The following SLC9C1 variants were observed in gnomAD, a reference collection of about 807,000 sequenced individuals.
SLC9C1 encodes the protein sodium/hydrogen exchanger 10.
In SLC9C1, 97 loss-of-function variants were observed where a neutral mutation model predicts 140.9. That is an observed-to-expected ratio of 0.69 (90% confidence interval 0.58 to 0.82). The LOEUF is 0.82. Among genes scored for constraint, SLC9C1 ranks in the 40% least tolerant of loss-of-function variants. SLC9C1 has a pLI of 0.00. For missense variants in SLC9C1, 1,340 were observed against 1,389.3 expected (o/e 0.96, Z 0.56); for synonymous variants, 440 against 442.6 (o/e 0.99, Z 0.07).
chr3:112,241,500 A>G (rs149210594), intron 11 of SLC9C1, among the ~76,000 whole-genome samples: 2,144 of 152,364 alleles, frequency 0.014, 19 homozygotes, highest in South Asian at 0.022. Flanking sequence ...AAGAATCAAT[A>G]TCATTAAAAT....
At chr3:112,287,251 C>A (rs1294825151) in intron 1 of SLC9C1, among the ~76,000 whole-genome samples, 1 of 152,186 alleles carries the variant, frequency 6.6e-6, no homozygotes, top group African/African-American at 2.4e-5. Flanking sequence ...AGGGTTTTGT[C>A]CTCAGATTAT....
intron 18 of SLC9C1, among the ~76,000 whole-genome samples, chr3:112,201,326 CT>C (rs1394666997): frequency 3.3e-5 from 5 of 152,074 alleles, no homozygotes; most frequent in African/African-American, 1.2e-4. Context: ...GGACTCAAGT[CT>C]TTTCATATTT....
At chr3:112,258,934 G>C (rs2079689996) in intron 10 of SLC9C1, among the ~76,000 whole-genome samples, 2 of 152,106 alleles carry the variant, frequency 1.3e-5, no homozygotes, top group Non-Finnish European at 2.9e-5. Flanking sequence ...CAAAGGGGAA[G>C]TGCTACACAT....
At chr3:112,218,345 A>G (rs1316773441) in intron 14 of SLC9C1, among the ~76,000 whole-genome samples, 2 of 152,108 alleles carry the variant, frequency 1.3e-5, no homozygotes, top group Non-Finnish European at 2.9e-5. Context: ...GCCCTACCTT[A>G]TAATGTGGCT....
At chr3:112,261,501 T>C (rs2079770629) in intron 10 of SLC9C1, among the ~76,000 whole-genome samples, 1 of 152,018 alleles carries the variant, frequency 6.6e-6, no homozygotes, top group Non-Finnish European at 1.5e-5. Flanking sequence ...ACATAACTTA[T>C]GAGTAGTAGA....
chr3:112,279,026 T>G (rs2080291699), intron 3 of SLC9C1, 169 bp from the exon 4 acceptor site: 1 of 548,512 alleles, frequency 1.8e-6, no homozygotes. Flanking sequence ...TAATTGGCCA[T>G]GGCTTATGTA....
At chr3:112,156,337 G>GT (rs942268395) in intron 26 of SLC9C1, among the ~76,000 whole-genome samples, 35 of 151,818 alleles carry the variant, frequency 2.3e-4, no homozygotes, top group African/African-American at 7.2e-4. Context: ...GAATTTTATT[G>GT]TTTTTTTAAT....
At chr3:112,141,699 A>C (rs1492479) in intron 28 of SLC9C1, among the ~76,000 whole-genome samples, 21,834 of 152,170 alleles carry the variant, frequency 0.14, 1,986 homozygotes, top group Middle Eastern at 0.22. Flanking sequence ...ACTTTCACAT[A>C]ATTTATATTT....
intron 7 of SLC9C1, among the ~76,000 whole-genome samples, chr3:112,266,957 T>C (rs1350292896): frequency 6.6e-6 from 1 of 152,194 alleles, no homozygotes; most frequent in African/African-American, 2.4e-5. Flanking sequence ...TTCTCACACA[T>C]TAATTTCTCT....
At chr3:112,165,043 C>A (rs959660287) in intron 26 of SLC9C1, among the ~76,000 whole-genome samples, 3 of 152,178 alleles carry the variant, frequency 2.0e-5, no homozygotes, top group Admixed American at 6.5e-5. Context: ...CACTGATATC[C>A]TTTCTTCCAG....
At chr3:112,161,028 G>A (rs929916077) in intron 26 of SLC9C1, among the ~76,000 whole-genome samples, 3 of 152,186 alleles carry the variant, frequency 2.0e-5, no homozygotes, top group Non-Finnish European at 4.4e-5. Flanking sequence ...CAGTGATGAT[G>A]AGCATTTTTT....
intron 2 of SLC9C1, 39 bp from the exon 3 acceptor site, chr3:112,280,822 T>C: frequency 6.4e-7 from 1 of 1,552,070 alleles, no homozygotes; most frequent in Non-Finnish European, 8.9e-7. Context: ...CAATGAGATA[T>C]CTCATTTATA....
chr3:112,149,637 C>G lies in SLC9C1; in HGVS notation c.3524+2220G>C, dbSNP rs140818740. Among the ~76,000 whole-genome samples the G allele has an allele frequency of 1.7e-3, 262 of 152,130 alleles. 1 individual carries two copies. The highest frequency in any genetic ancestry group is 5.5e-3 in the African/African-American group (227 of 41,490). ...GATGGCATAGCTTAGGCTGCTGAAC[C>G]AGGTGAATGGGTATTCCAAATGCCT... On this transcript the variant is annotated intron_variant, in intron 28 of 28. Transcript: ENST00000305815.
At chr3:112,213,452 C>G (rs570205566) in intron 15 of SLC9C1, among the ~76,000 whole-genome samples, 64 of 152,216 alleles carry the variant, frequency 4.2e-4, no homozygotes, top group Admixed American at 7.9e-4. Flanking sequence ...GTTCTGTATT[C>G]AGGGGACCCA....
At chr3:112,185,992 C>T (rs1430152607) in intron 20 of SLC9C1, 2 of 1,546,570 alleles carry the variant, frequency 1.3e-6, no homozygotes, top group African/African-American at 2.7e-5. Context: ...GGGACCCAGG[C>T]CCCGCGGTAT....
At chr3:112,286,941 G>T (rs1011393111) in intron 1 of SLC9C1, 63 bp from the exon 2 acceptor site, 4 of 510,220 alleles carry the variant, frequency 7.8e-6, no homozygotes, top group Non-Finnish European at 1.4e-5. Flanking sequence ...AAGAAAAAAA[G>T]CCCTATTCTC....
Position 112,277,707 on chromosome 3 carries a change from T to G in SLC9C1, c.472A>C (p.Ile158Leu), listed in dbSNP as rs9828502. Residue 158 changes from isoleucine (I) to leucine (L), a missense_variant, in exon 5 of 29, where the codon ATA becomes CTA. Coordinates refer to ENST00000305815, the MANE Select transcript of SLC9C1 (RefSeq NM_183061.3). The stretch of plus-strand genomic sequence containing the variant: ...ACAATATACCTACCAAGGTCTCTTA[T>G]AGCAGCTGCGGTTAGCATGGGATCT... The part of the protein sequence containing the change: ...SSDPMLTAAA[I>L]RDLGLSRSLI... 14 of 1,587,446 alleles carry G rather than the reference T, an allele frequency of 8.8e-6. No homozygotes were observed. In the South Asian group the frequency reaches 1.5e-4, roughly 17 times the overall value.
At chr3:112,256,932 G>A (rs1199929950) in intron 10 of SLC9C1, among the ~76,000 whole-genome samples, 1 of 151,954 alleles carries the variant, frequency 6.6e-6, no homozygotes, top group African/African-American at 2.4e-5. Flanking sequence ...CAAGCCAAGA[G>A]CCAAATCAAG....
chr3:112,198,774 T>C lies in SLC9C1; in HGVS notation c.2523+547A>G, dbSNP rs531841253. 4.6e-5 allele frequency among the ~76,000 whole-genome samples: 7 copies of C among 152,110 alleles called. No individual in the cohort carries two copies. The East Asian group carries it at 1.3e-3, about 29-fold the overall frequency. Reference sequence around the variant, plus strand: ...CCAATTCAGTTCACTACTATTATGCTAAGAAATTTTGTATGTGTATTTACA... The same window carrying C: ...CCAATTCAGTTCACTACTATTATGCCAAGAAATTTTGTATGTGTATTTACA... On this transcript the variant is annotated intron_variant, in intron 20 of 28. Coordinates refer to ENST00000305815, the MANE Select transcript of SLC9C1 (RefSeq NM_183061.3).
Sources: gnomAD v4.1 joint callset for allele counts (sites outside exome capture counted in the v4.1 genomes callset) on GRCh38, gnomAD v4.1.1 for gene constraint, MANE v1.5 for transcripts, NCBI Gene and HGNC (gene_info 2026-07-23, HGNC 2026-07-21) for gene names.